The following COL18A1 variants were observed in gnomAD, a reference collection of about 807,000 sequenced individuals.
The protein encoded by COL18A1 is collagen type XVIII alpha 1 chain.
A neutral mutation model predicts 168.0 loss-of-function variants in COL18A1; 133 were observed. The ratio of observed to expected loss-of-function variants is 0.79; its 90% CI spans 0.69 to 0.91. The LOEUF is 0.91. COL18A1 is among the 40% of genes least tolerant of loss of function. The probability of loss-of-function intolerance (pLI) is 0.00; values close to 1 mark genes in which losing one functional copy is unlikely to be tolerated. For synonymous variants in COL18A1, 949 were observed against 809.0 expected (o/e 1.17, Z -2.94); for missense variants, 2,126 against 1,925.4 (o/e 1.10, Z -1.95).
chr21:45,419,276 C>T (rs374251274), intron 2 of COL18A1, among the ~76,000 whole-genome samples: 25 of 151,622 alleles, frequency 1.6e-4, no homozygotes, highest in African/African-American at 5.6e-4. Flanking sequence ...CGTGTAGTGA[C>T]GTGATGCCGG....
chr21:45,420,073 G>A (rs1334073872), intron 2 of COL18A1: 1 of 152,292 alleles, frequency 6.6e-6, no homozygotes, highest in Non-Finnish European at 1.5e-5. Context: ...GGAGCCGTGG[G>A]TGAGCCGAGG....
intron 18 of COL18A1, among the ~76,000 whole-genome samples, chr21:45,488,959 G>A (rs1056736167): frequency 2.6e-5 from 4 of 152,052 alleles, no homozygotes; most frequent in Non-Finnish European, 5.9e-5. Flanking sequence ...AGGGAGCCTG[G>A]AGCCTCCTCT....
At chr21:45,510,511 A>AC (rs1239419872) in intron 40 of COL18A1, among the ~76,000 whole-genome samples, 201 of 146,266 alleles carry the variant, frequency 1.4e-3, no homozygotes, top group African/African-American at 4.4e-3. Flanking sequence ...TGGCCCCCTG[A>AC]CCCCCCGCTC....
chr21:45,424,565 A>G (rs2033725684), intron 2 of COL18A1: 1 of 152,306 alleles, frequency 6.6e-6, no homozygotes, highest in Non-Finnish European at 1.5e-5. Context: ...CCTGCGGCCC[A>G]CCTGACCAGT....
chr21:45,436,632 C>G (rs1034840905), intron 2 of COL18A1, among the ~76,000 whole-genome samples: 6 of 139,428 alleles, frequency 4.3e-5, no homozygotes, highest in African/African-American at 1.6e-4. Context: ...CCCTGCAGCC[C>G]TGGAACTGTG....
At chr21:45,474,969 G>A (rs1313198631) in intron 4 of COL18A1, among the ~76,000 whole-genome samples, 2 of 152,186 alleles carry the variant, frequency 1.3e-5, no homozygotes, top group African/African-American at 4.8e-5. Context: ...GGTGCGGGGG[G>A]TCGCCGAGGC....
At chr21:45,493,476 T>A (rs1376284866) in intron 25 of COL18A1, 25 bp from the exon 26 acceptor site, 1 of 1,548,174 alleles carries the variant, frequency 6.5e-7, no homozygotes, top group African/African-American at 1.4e-5. Context: ...TGGCCCTGAC[T>A]CTGCTGGACC....
Position 45,504,513 on chromosome 21 carries a change from GCCCCCC to G in COL18A1, c.2826_2831del (p.Pro943_Pro944del). 4 of 15,060 alleles carry G rather than the reference GCCCCCC, an allele frequency of 2.7e-4. No homozygotes were observed. The highest frequency in any genetic ancestry group is 2.2e-4 in the Non-Finnish European group (3 of 13,592). 0.9% of individuals were successfully genotyped at this position (15,060 alleles called of 1,614,324 possible). Reference sequence around the variant, plus strand: ...GGCTCCAGCCTGCCCGGCCCCCCCGGCCCCCCAGGCCCCCCAGGCCCACGTGGCTAC... The same window carrying G: ...GGCTCCAGCCTGCCCGGCCCCCCCGGAGGCCCCCCAGGCCCACGTGGCTAC... On this transcript the variant is annotated inframe_deletion, in exon 34 of 42. Transcript: ENST00000651438.
intron 38 of COL18A1, among the ~76,000 whole-genome samples, chr21:45,508,439 G>A (rs1380787908): frequency 7.3e-5 from 10 of 137,306 alleles, no homozygotes; most frequent in African/African-American, 3.1e-4. Context: ...TGGATGGTGG[G>A]TAAGTGGGTG....
chr21:45,511,198 G>T lies in COL18A1; in HGVS notation c.3781G>T (p.Gly1261Cys), dbSNP rs375269967. 6.3e-7 allele frequency: 1 copy of T among 1,593,160 alleles called. No homozygotes were observed. Among genetic ancestry groups the T allele is most frequent in the East Asian group, 2.3e-5 (1 of 43,886 alleles). ...KPGARIFSFD[G>C]KDVLRHPTWP... ...CGGGGCACGCATCTTCTCCTTTGACGGCAAGGACGTCCTGAGGCACCCCAC... is the reference window on the plus strand; with the variant it reads ...CGGGGCACGCATCTTCTCCTTTGACTGCAAGGACGTCCTGAGGCACCCCAC... Residue 1261 changes from glycine to cysteine, a missense_variant, in exon 41 of 42, where the codon GGC becomes TGC. Gly to Cys is a radical substitution (Grantham distance 159, BLOSUM62 -3). Coordinates refer to ENST00000651438, the MANE Select transcript of COL18A1 (RefSeq NM_001379500.1).
At chr21:45,440,062 G>A (rs113376334) in intron 2 of COL18A1, among the ~76,000 whole-genome samples, 43 of 152,368 alleles carry the variant, frequency 2.8e-4, no homozygotes, top group African/African-American at 1.0e-3. Flanking sequence ...CGCATGGGCG[G>A]AGGGGCCGGT....
intron 38 of COL18A1, among the ~76,000 whole-genome samples, chr21:45,508,053 G>A (rs1382010499): frequency 2.0e-5 from 3 of 151,458 alleles, no homozygotes; most frequent in Non-Finnish European, 4.4e-5. Flanking sequence ...AGGTAGATGG[G>A]GAGGTGGATG....
intron 25 of COL18A1, 62 bp from the exon 26 acceptor site, chr21:45,493,439 C>G: frequency 6.8e-7 from 1 of 1,467,240 alleles, no homozygotes; most frequent in Admixed American, 2.0e-5. Context: ...CTTCGGGGCT[C>G]TGGGTGAGGC....
intron 2 of COL18A1, among the ~76,000 whole-genome samples, chr21:45,459,741 G>A (rs895731421): frequency 6.6e-6 from 1 of 152,314 alleles, no homozygotes; most frequent in East Asian, 1.9e-4. Context: ...GGTGGGGTAG[G>A]GAGGCTCCCT....
At chr21:45,412,255 G>GTTTT (rs2033321228) in intron 2 of COL18A1, among the ~76,000 whole-genome samples, 1 of 112,314 alleles carries the variant, frequency 8.9e-6, no homozygotes, top group Non-Finnish European at 1.7e-5. Flanking sequence ...TTTTTTTTTC[G>GTTTT]AGATGGAGTC....
At chr21:45,484,187 G>C (rs1460589087) in intron 15 of COL18A1, among the ~76,000 whole-genome samples, 1 of 120,504 alleles carries the variant, frequency 8.3e-6, no homozygotes, top group Admixed American at 8.7e-5. Context: ...CACCTCTCCA[G>C]CATATGTGCA....
Position 45,455,975 on chromosome 21 carries a change from G to A in COL18A1, c.107-12267G>A, listed in dbSNP as rs745814977. 1.6e-5 allele frequency: 26 copies of A among 1,612,932 alleles called. No homozygotes were observed. The highest frequency in any genetic ancestry group is 1.9e-5 in the Non-Finnish European group (23 of 1,180,002). On this transcript the variant is annotated intron_variant, in intron 2 of 41. Transcript: ENST00000651438. ...GGAAACCCTGGTCCTGGAGACTCCT[G>A]TGGGCCCCCTTGCCCTCGCTGGGCC...
At chr21:45,426,676 G>T (rs765956003) in intron 2 of COL18A1, among the ~76,000 whole-genome samples, 3 of 152,218 alleles carry the variant, frequency 2.0e-5, no homozygotes, top group African/African-American at 7.2e-5. Flanking sequence ...CAGCCCTTGC[G>T]TGAGACCACG....
chr21:45,512,450 C>T lies in COL18A1; in HGVS notation c.*52C>T. 6.4e-7 allele frequency: 1 copy of T among 1,568,212 alleles called. No individual in the cohort carries two copies. Among genetic ancestry groups the T allele is most frequent in the South Asian group, 1.1e-5 (1 of 87,150 alleles). On this transcript the variant is annotated 3_prime_UTR_variant, in exon 42 of 42. Transcript: ENST00000651438. ...GAGGACCGGCGGCTCGGAGGAAGCC[C>T]CCACCGTGGGCAGGGAGCGGCCGGC... is the stretch of plus-strand genomic sequence containing the variant.
Sources: allele counts gnomAD v4.1 joint callset (sites outside exome capture counted in the v4.1 genomes callset), GRCh38; gene constraint gnomAD v4.1.1; transcripts MANE v1.5; gene names NCBI Gene and HGNC (gene_info 2026-07-23, HGNC 2026-07-21).